The following CD101 variants were observed in gnomAD, a reference collection of about 807,000 sequenced individuals.
CD101 encodes CD101 molecule.
CD101 carries 76 observed loss-of-function variants against 98.2 expected under a neutral mutation model. The ratio of observed to expected loss-of-function variants is 0.77; its 90% CI spans 0.64 to 0.94. CD101 has a LOEUF of 0.94. CD101 is among the 40% of genes least tolerant of loss of function. The pLI, the probability that CD101 is intolerant of heterozygous loss-of-function variation, is 0.00. For synonymous variants in CD101, 471 were observed against 472.7 expected, an observed-to-expected ratio of 1.00 and a Z score of 0.05; for missense variants, 1,145 against 1,218.8, an observed-to-expected ratio of 0.94 and a Z score of 0.90.
rs1057449389 is a variant in CD101, at chr1:117,012,967, G to A, written c.842-439G>A. Among the ~76,000 whole-genome samples, 2 of 152,076 alleles carry A rather than the reference G, an allele frequency of 1.3e-5. No homozygotes were observed. The highest frequency in any genetic ancestry group is 2.4e-5 in the African/African-American group (1 of 41,402). On this transcript the variant is annotated intron_variant, in intron 3 of 9. Transcript: ENST00000682167. The surrounding 1 kb of genome is among the most constrained non-coding windows in gnomAD (Gnocchi z 4.0). ...GTTATACTCATGAGTCCTATGGAGC[G>A]ATATCACATGTGCTTTTTAACTTCA...
Position 117,010,515 on chromosome 1 carries a change from A to G in CD101, c.424+285A>G, listed in dbSNP as rs199746726. Among the ~76,000 whole-genome samples the G allele has an allele frequency of 1.6e-4, 25 of 152,362 alleles. No homozygotes were observed. The East Asian group carries it at 4.6e-3, about 28-fold the overall frequency. On this transcript the variant is annotated intron_variant, in intron 2 of 9. Coordinates refer to ENST00000682167, the MANE Select transcript of CD101 (RefSeq NM_001256106.3). The surrounding 1 kb of genome is among the most constrained non-coding windows in gnomAD (Gnocchi z 5.2). ...TCCATAGGTTGCTAGTAGCAACAGCATTCAACAAAGCTGTGAGAGTTCTCC... is the reference window on the plus strand; with the variant it reads ...TCCATAGGTTGCTAGTAGCAACAGCGTTCAACAAAGCTGTGAGAGTTCTCC...
intron 1 of CD101, among the ~76,000 whole-genome samples, chr1:117,008,374 A>C (rs1652666356): frequency 6.6e-6 from 1 of 152,162 alleles, no homozygotes. Flanking sequence ...CTGAGGCAAG[A>C]GAATCACTTG....
intron 8 of CD101, among the ~76,000 whole-genome samples, chr1:117,029,815 G>A (rs539362439): frequency 6.6e-6 from 1 of 152,202 alleles, no homozygotes; most frequent in African/African-American, 2.4e-5. Flanking sequence ...GGACTGTAGA[G>A]CATGTGGCTC....
chr1:117,032,049 G>C (rs951577561), intron 8 of CD101: 1 of 152,152 alleles, frequency 6.6e-6, no homozygotes, highest in Non-Finnish European at 1.5e-5. Context: ...TTGGAAGAGG[G>C]GTCAGATAGG....
At chr1:117,007,535 AC>A (rs1487080532) in intron 1 of CD101, among the ~76,000 whole-genome samples, 1 of 152,078 alleles carries the variant, frequency 6.6e-6, no homozygotes, top group Non-Finnish European at 1.5e-5. Context: ...TTTAGTAGAG[AC>A]AGGGTTTCAC....
intron 2 of CD101, 63 bp from the exon 3 acceptor site, chr1:117,011,487 T>C (rs751214419): frequency 2.0e-5 from 29 of 1,454,968 alleles, no homozygotes; most frequent in Non-Finnish European, 2.7e-5. Flanking sequence ...CAGGGCGCCA[T>C]CTAAGGAGGC....
rs565688958 is a variant in CD101, at chr1:117,022,237, G to T, written c.2428+254G>T. On this transcript the variant is annotated intron_variant, in intron 7 of 9. Transcript: ENST00000682167. The surrounding 1 kb of genome is among the most constrained non-coding windows in gnomAD (Gnocchi z 4.8). ...TTTGATTGGTTTGCTTCTCAACCTG[G>T]CAGCCTGGTCTGTGCAGCTACCCAG... 6.6e-6 allele frequency among the ~76,000 whole-genome samples: 1 copy of T among 152,126 alleles called. No homozygotes were observed. Among genetic ancestry groups the T allele is most frequent in the African/African-American group, 2.4e-5 (1 of 41,418 alleles).
intron 1 of CD101, among the ~76,000 whole-genome samples, chr1:117,007,686 T>C (rs1652619875): frequency 6.6e-6 from 1 of 152,230 alleles, no homozygotes; most frequent in African/African-American, 2.4e-5. Context: ...GCCCTTTATG[T>C]GTGCATCACT....
Position 117,017,384 on chromosome 1 carries a change from C to T in CD101, c.1523C>T (p.Thr508Ile), listed in dbSNP as rs780114311. The T allele has an allele frequency of 1.9e-6, 3 of 1,614,214 alleles. No individual in the cohort carries two copies. Among genetic ancestry groups the T allele is most frequent in the Non-Finnish European group, 2.5e-6 (3 of 1,180,028 alleles). Reference protein sequence around the residue: ...ITFTAITDSGTYECRVSEKSR... With the variant: ...ITFTAITDSGIYECRVSEKSR... ...TTCACTGCCATCACAGACAGTGGCA[C>T]ATATGAGTGCAGAGTATCTGAGAAG... The change falls in exon 5 of 10, where the codon ACA (threonine) becomes ATA (isoleucine). Residue 508 changes from threonine (T) to isoleucine (I), a missense_variant. Thr to Ile is a moderately conservative substitution (Grantham distance 89). Transcript: ENST00000682167.
At position 117,021,617 on chromosome 1, in the gene CD101, T is replaced by G. The variant is rs777150298; in HGVS notation, c.2062T>G (p.Ser688Ala). 6.2e-7 allele frequency: 1 copy of G among 1,601,838 alleles called. No homozygotes were observed. Among genetic ancestry groups the G allele is most frequent in the Non-Finnish European group, 8.5e-7 (1 of 1,175,836 alleles). ...TTCAAGGAGTCAAGTCCAAGAGCTC[T>G]CCATCAACTCCAACACTGATATAGA... ...VNSRSQVQEL[S>A]INSNTDIECS... The change falls in exon 7 of 10, where the codon TCC becomes GCC. Residue 688 changes from serine (S) to alanine (A), a missense_variant. By Grantham distance (99) the Ser-to-Ala change is moderately conservative (BLOSUM62 1). Transcript: ENST00000682167. The surrounding 1 kb of genome is among the most constrained non-coding windows in gnomAD (Gnocchi z 4.7).
At chr1:117,035,820 G>A (rs1654783305) in intron 9 of CD101, among the ~76,000 whole-genome samples, 2 of 152,172 alleles carry the variant, frequency 1.3e-5, no homozygotes, top group African/African-American at 4.8e-5. Flanking sequence ...CCAAAGTGCT[G>A]GGATTACAGG....
At chr1:117,027,407 G>A (rs537966997) in intron 8 of CD101, among the ~76,000 whole-genome samples, 10 of 152,208 alleles carry the variant, frequency 6.6e-5, no homozygotes, top group Non-Finnish European at 1.3e-4. Context: ...TAGACTAGGG[G>A]AACAACAGAG....
rs2101140424 is a variant in CD101 at position 117,023,123 on chromosome 1, C to G, written c.2428+1140C>G. Among the ~76,000 whole-genome samples the G allele has an allele frequency of 6.6e-6, 1 of 152,338 alleles. No homozygotes were observed. Among genetic ancestry groups the G allele is most frequent in the Non-Finnish European group, 1.5e-5 (1 of 68,024 alleles). On this transcript the variant is annotated intron_variant, in intron 7 of 9. Coordinates refer to ENST00000682167, the MANE Select transcript of CD101 (RefSeq NM_001256106.3). The surrounding 1 kb of genome is among the most constrained non-coding windows in gnomAD (Gnocchi z 4.4). ...CCTGCTGTACATTTCTACTTGGATG[C>G]CCCCATACTCAGCATGCCCTAAATT... is the stretch of plus-strand genomic sequence containing the variant.
chr1:117,024,114 G>A (rs1434770519), intron 7 of CD101, among the ~76,000 whole-genome samples: 1 of 152,158 alleles, frequency 6.6e-6, no homozygotes, highest in East Asian at 1.9e-4. Context: ...GAAGGAAAGG[G>A]GAGAGTAAAA....
chr1:117,023,268 G>A lies in CD101; in HGVS notation c.2428+1285G>A, dbSNP rs190578272. Among the ~76,000 whole-genome samples, 5 of 152,290 alleles carry A rather than the reference G, an allele frequency of 3.3e-5. No homozygotes were observed. Among genetic ancestry groups the A allele is most frequent in the Admixed American group, 1.3e-4 (2 of 15,298 alleles). On this transcript the variant is annotated intron_variant, in intron 7 of 9. Transcript: ENST00000682167. The surrounding 1 kb of genome is among the most constrained non-coding windows in gnomAD (Gnocchi z 4.4). ...AACTCTTGACCACATGTGCATGGCC[G>A]TCTTCAGGAGGCAGCCACTGCTTAG...
rs1019325302 is a variant in CD101 at position 117,019,694 on chromosome 1, A to G, written c.2017+1134A>G. On this transcript the variant is annotated intron_variant, in intron 6 of 9. Coordinates refer to ENST00000682167, the MANE Select transcript of CD101 (RefSeq NM_001256106.3). This position sits in a 1 kb window ranked among gnomAD's most constrained non-coding sequence, Gnocchi z 4.3. Reference sequence around the variant, plus strand: ...ACTCCCACATTCATTATCTTGACCAATTTCTCTTCTGATCTCCAGACTCGT... The same window carrying G: ...ACTCCCACATTCATTATCTTGACCAGTTTCTCTTCTGATCTCCAGACTCGT... 2.0e-5 allele frequency among the ~76,000 whole-genome samples: 3 copies of G among 152,040 alleles called. No homozygotes were observed. Among genetic ancestry groups the G allele is most frequent in the Non-Finnish European group, 4.4e-5 (3 of 67,998 alleles).
At chr1:117,002,154 TG>T (rs763389426) in intron 1 of CD101, among the ~76,000 whole-genome samples, 1 of 152,222 alleles carries the variant, frequency 6.6e-6, no homozygotes, top group Non-Finnish European at 1.5e-5. Context: ...CTCATCTTCC[TG>T]GGCCGATCAT....
At position 117,001,829 on chromosome 1, in the gene CD101, C is replaced by T; in HGVS notation, c.12C>T (p.Ile4=). Residue 4 remains isoleucine, a synonymous_variant, in exon 1 of 10, where the codon ATC becomes ATT. Coordinates refer to ENST00000682167, the MANE Select transcript of CD101 (RefSeq NM_001256106.3). ...CTGTGCTGGCCCAAATGGCAGGCATCTCATATGTGGCATCTTTCTTTCTCC... is the reference window on the plus strand; with the variant it reads ...CTGTGCTGGCCCAAATGGCAGGCATTTCATATGTGGCATCTTTCTTTCTCC... The part of the protein sequence containing the change: MAG[I]SYVASFFLLL... 6.2e-7 allele frequency: 1 copy of T among 1,614,102 alleles called. No individual in the cohort carries two copies. The highest frequency in any genetic ancestry group is 8.5e-7 in the Non-Finnish European group (1 of 1,179,988).
rs1262424434 is a variant in CD101, at chr1:117,012,671, G to A, written c.841+705G>A. On this transcript the variant is annotated intron_variant, in intron 3 of 9. Transcript: ENST00000682167. The surrounding 1 kb of genome is among the most constrained non-coding windows in gnomAD (Gnocchi z 4.0). ...AATCCTCCTGCCTTGGCCTCCCAAAGGGCTGGGATTTCAGGCGTGAGCCAC... is the reference window on the plus strand; with the variant it reads ...AATCCTCCTGCCTTGGCCTCCCAAAAGGCTGGGATTTCAGGCGTGAGCCAC... Among the ~76,000 whole-genome samples, 1 of 152,190 alleles carries A rather than the reference G, an allele frequency of 6.6e-6. No individual in the cohort carries two copies. Among genetic ancestry groups the A allele is most frequent in the Non-Finnish European group, 1.5e-5 (1 of 68,036 alleles).
Sources: gnomAD v4.1 joint callset for allele counts (sites outside exome capture counted in the v4.1 genomes callset) on GRCh38, gnomAD v4.1.1 for gene constraint, Gnocchi (gnomAD v3.1) non-coding constraint, MANE v1.5 for transcripts, NCBI Gene and HGNC (gene_info 2026-07-23, HGNC 2026-07-21) for gene names.